The following GRIK2 variants were observed in gnomAD, a reference collection of about 807,000 sequenced individuals.
GRIK2 encodes the protein glutamate ionotropic receptor kainate type subunit 2, also known as glutamate receptor ionotropic, kainate 2.
In GRIK2, 32 loss-of-function variants were observed where a neutral mutation model predicts 100.3. The observed-to-expected ratio is 0.32, with a 90% CI of 0.24 to 0.43. The LOEUF (loss-of-function observed/expected upper bound fraction) is 0.43, where lower values mean the gene tolerates loss of function less well. GRIK2 is among the 20% of genes least tolerant of loss of function. The probability of loss-of-function intolerance (pLI) is 1.00; values close to 1 mark genes in which losing one functional copy is unlikely to be tolerated. For missense variants in GRIK2, 843 were observed against 1,114.9 expected (o/e 0.76, Z 3.47); for synonymous variants, 417 against 389.4 (o/e 1.07, Z -0.83).
chr6:101,558,847 C>A (rs1776864622), intron 2 of GRIK2, among the ~76,000 whole-genome samples: 1 of 152,106 alleles, frequency 6.6e-6, no homozygotes, highest in African/African-American at 2.4e-5. Context: ...GATGACCTCT[C>A]TTTTGAGTGC....
intron 2 of GRIK2, among the ~76,000 whole-genome samples, chr6:101,425,063 C>T (rs1776630140): frequency 6.6e-6 from 1 of 150,576 alleles, no homozygotes; most frequent in Non-Finnish European, 1.5e-5. Flanking sequence ...TCCAGTCTAT[C>T]ATTGTTGGAC....
intron 7 of GRIK2, among the ~76,000 whole-genome samples, chr6:101,716,337 T>C (rs1774066308): frequency 6.6e-6 from 1 of 151,674 alleles, no homozygotes; most frequent in Admixed American, 6.6e-5. Flanking sequence ...AAGAAGGCAA[T>C]AAATAAAATC....
intron 2 of GRIK2, among the ~76,000 whole-genome samples, chr6:101,510,080 C>T (rs1003502043): frequency 1.3e-5 from 2 of 152,060 alleles, no homozygotes; most frequent in African/African-American, 2.4e-5. Flanking sequence ...TTAAATTCCA[C>T]TTAAAATAAG....
At chr6:101,517,248 G>C (rs1031320234) in intron 2 of GRIK2, among the ~76,000 whole-genome samples, 6 of 152,128 alleles carry the variant, frequency 3.9e-5, no homozygotes, top group Non-Finnish European at 7.3e-5. Context: ...GGCCACCTCT[G>C]AACCTGAAAC....
chr6:101,763,093 TGTTTCAAAG>T (rs1777832826), intron 7 of GRIK2, among the ~76,000 whole-genome samples: 1 of 152,122 alleles, frequency 6.6e-6, no homozygotes, highest in African/African-American at 2.4e-5. Flanking sequence ...AATGAAATAA[TGTTTCAAAG>T]AACATCAAGG....
intron 2 of GRIK2, among the ~76,000 whole-genome samples, chr6:101,436,798 T>A (rs1188089339): frequency 6.6e-6 from 1 of 150,834 alleles, no homozygotes; most frequent in Non-Finnish European, 1.5e-5. Flanking sequence ...ATTATTATTA[T>A]TTTTTATTAT....
chr6:101,476,722 A>G (rs1271658575), intron 2 of GRIK2, among the ~76,000 whole-genome samples: 1 of 152,196 alleles, frequency 6.6e-6, no homozygotes, highest in Non-Finnish European at 1.5e-5. Flanking sequence ...TTGATGGCCT[A>G]TTAAAAATCA....
At chr6:102,034,623 C>T (rs995639) in intron 14 of GRIK2, among the ~76,000 whole-genome samples, 40,659 of 151,080 alleles carry the variant, frequency 0.27, 5,645 homozygotes, top group East Asian at 0.31. Context: ...CTAGTAAAGC[C>T]CTCCTGAGAA....
At chr6:101,850,128 A>T (rs978120856) in intron 10 of GRIK2, among the ~76,000 whole-genome samples, 2 of 152,044 alleles carry the variant, frequency 1.3e-5, no homozygotes, top group Non-Finnish European at 2.9e-5. Context: ...GCCTGTGAGA[A>T]CATTCTGCAT....
At chr6:101,794,503 T>C (rs1430073253) in intron 7 of GRIK2, among the ~76,000 whole-genome samples, 1 of 152,222 alleles carries the variant, frequency 6.6e-6, no homozygotes, top group African/African-American at 2.4e-5. Flanking sequence ...TTGTATATCG[T>C]TTGTTCCCTT....
intron 2 of GRIK2, among the ~76,000 whole-genome samples, chr6:101,539,699 T>C (rs985373553): frequency 6.6e-6 from 1 of 151,844 alleles, no homozygotes; most frequent in Non-Finnish European, 1.5e-5. Flanking sequence ...TTTCATACTT[T>C]GGATTCTACA....
chr6:101,865,085 A>C (rs1414551699), intron 11 of GRIK2, among the ~76,000 whole-genome samples: 1 of 152,190 alleles, frequency 6.6e-6, no homozygotes, highest in Non-Finnish European at 1.5e-5. Flanking sequence ...TCAATTGTGA[A>C]ATTTGAGAAG....
chr6:101,467,106 A>G (rs536582179), intron 2 of GRIK2, among the ~76,000 whole-genome samples: 44 of 152,314 alleles, frequency 2.9e-4, no homozygotes, highest in African/African-American at 1.0e-3. Context: ...CTTTTCCAGC[A>G]ACAGAAGTAT....
chr6:101,687,164 C>T (rs144736896), intron 7 of GRIK2, among the ~76,000 whole-genome samples: 2 of 152,016 alleles, frequency 1.3e-5, no homozygotes, highest in East Asian at 3.9e-4. Flanking sequence ...TGACATCATG[C>T]ATATTAATTC....
intron 14 of GRIK2, among the ~76,000 whole-genome samples, chr6:101,964,495 C>T (rs540985016): frequency 6.6e-6 from 1 of 152,224 alleles, no homozygotes; most frequent in African/African-American, 2.4e-5. Flanking sequence ...TACAGTGTGA[C>T]TTTTGTGGGA....
intron 7 of GRIK2, among the ~76,000 whole-genome samples, chr6:101,716,218 T>C (rs1232615313): frequency 6.6e-6 from 1 of 151,572 alleles, no homozygotes; most frequent in Non-Finnish European, 1.5e-5. Flanking sequence ...TAATAATCAA[T>C]TAATAGTCAA....
intron 2 of GRIK2, among the ~76,000 whole-genome samples, chr6:101,580,459 T>A (rs2128302615): frequency 6.6e-6 from 1 of 152,288 alleles, no homozygotes; most frequent in African/African-American, 2.4e-5. Context: ...TTTCACCACC[T>A]CTTCCACTAC....
At chr6:101,865,435 C>T (rs888074693) in intron 11 of GRIK2, among the ~76,000 whole-genome samples, 70 of 152,116 alleles carry the variant, frequency 4.6e-4, no homozygotes, top group African/African-American at 1.6e-3. Context: ...TTTCAGGGAA[C>T]TTAAAAAGGC....
intron 11 of GRIK2, among the ~76,000 whole-genome samples, chr6:101,881,617 A>T (rs377180853): frequency 4.0e-5 from 6 of 151,886 alleles, no homozygotes; most frequent in East Asian, 3.9e-4. Flanking sequence ...GAACAAAAGT[A>T]ACTTGTCTAG....
Sources: allele counts gnomAD v4.1 joint callset (sites outside exome capture counted in the v4.1 genomes callset), GRCh38; gene constraint gnomAD v4.1.1; transcripts MANE v1.5; gene names NCBI Gene and HGNC (gene_info 2026-07-23, HGNC 2026-07-21).